WARS2: variants seen among roughly 807,000 people sequenced by gnomAD.
The protein encoded by WARS2 is tryptophan--tRNA ligase, mitochondrial.
WARS2 carries 28 observed loss-of-function variants against 36.5 expected under a neutral mutation model. The observed-to-expected ratio is 0.77, with a 90% confidence interval of 0.57 to 1.05. WARS2 has a LOEUF of 1.05. Ranked by LOEUF, WARS2 falls within the 50% of genes least tolerant of loss-of-function variation. The pLI, the probability that WARS2 is intolerant of heterozygous loss-of-function variation, is 0.00. For missense variants in WARS2, 435 were observed against 456.8 expected, an observed-to-expected ratio of 0.95 and a Z score of 0.44; for synonymous variants, 174 against 178.4, an observed-to-expected ratio of 0.98 and a Z score of 0.20.
At chr1:119,058,446 T>C in intron 2 of WARS2, among the ~76,000 whole-genome samples, 1 of 140,192 alleles carries the variant, frequency 7.1e-6, no homozygotes, top group East Asian at 2.0e-4. Flanking sequence ...CTCCCAATGC[T>C]ATCCCTCCCC....
chr1:119,082,369 T>C, intron 1 of WARS2: 7 of 985,442 alleles, frequency 7.1e-6, no homozygotes, highest in Non-Finnish European at 7.2e-6. Context: ...GGAATGCTTT[T>C]GCACATGTAT....
chr1:119,093,829 G>T (rs1653232383), intron 1 of WARS2, among the ~76,000 whole-genome samples: 1 of 152,170 alleles, frequency 6.6e-6, no homozygotes, highest in African/African-American at 2.4e-5. Flanking sequence ...GGTAAGTAAG[G>T]TCAGTTGTTC....
intron 4 of WARS2, among the ~76,000 whole-genome samples, chr1:119,037,787 C>T (rs752452063): frequency 1.3e-5 from 2 of 152,266 alleles, no homozygotes; most frequent in Non-Finnish European, 1.5e-5. Context: ...TCGGGTCATC[C>T]CTGACACCTC....
intron 2 of WARS2, among the ~76,000 whole-genome samples, chr1:119,059,549 T>C (rs557804129): frequency 6.6e-6 from 1 of 152,340 alleles, no homozygotes; most frequent in South Asian, 2.1e-4. Context: ...TAAGTCTATG[T>C]CCATACCACA....
At chr1:119,086,787 C>T (rs1225592245) in intron 1 of WARS2, among the ~76,000 whole-genome samples, 1 of 152,158 alleles carries the variant, frequency 6.6e-6, no homozygotes, top group Non-Finnish European at 1.5e-5. Context: ...TCCTCTGAGA[C>T]AAGACTCTGA....
chr1:119,068,813 CCTCTCTCTCTTA>C (rs1241989781), intron 2 of WARS2, among the ~76,000 whole-genome samples: 2 of 146,862 alleles, frequency 1.4e-5, no homozygotes, highest in East Asian at 4.0e-4. Context: ...ACGACGTGTC[CCTCTCTCTCTTA>C]CTCTCTCTCT....
At position 119,085,996 on chromosome 1, in the gene WARS2, G is replaced by C. The variant is rs1034662143; in HGVS notation, c.91-9389C>G. On this transcript the variant is annotated intron_variant, in intron 1 of 5. Coordinates refer to ENST00000235521, the MANE Select transcript of WARS2 (RefSeq NM_015836.4). ...TCAGCGTTCAGGTATCAGTGCCCAG[G>C]CAAGGCAGTGTGGCACATACCCTGG... is the stretch of plus-strand genomic sequence containing the variant. 1.0e-5 allele frequency: 16 copies of C among 1,597,964 alleles called. No individual in the cohort carries two copies. In the African/African-American group the frequency reaches 1.5e-4, roughly 15 times the overall value.
chr1:119,134,419 C>T (rs1656349043), intron 1 of WARS2, among the ~76,000 whole-genome samples: 1 of 149,058 alleles, frequency 6.7e-6, no homozygotes, highest in African/African-American at 2.5e-5. Flanking sequence ...AGAAATGGAG[C>T]AGTAGCTCTA....
At chr1:119,072,042 T>A (rs1258637051) in intron 2 of WARS2, among the ~76,000 whole-genome samples, 1 of 152,218 alleles carries the variant, frequency 6.6e-6, no homozygotes, top group Non-Finnish European at 1.5e-5. Flanking sequence ...CATGATGATC[T>A]TTCACCTACT....
intron 1 of WARS2, among the ~76,000 whole-genome samples, chr1:119,086,722 G>A (rs139460632): frequency 6.6e-6 from 1 of 152,262 alleles, no homozygotes; most frequent in African/African-American, 2.4e-5. Flanking sequence ...ACTAAAATAT[G>A]GGATAGAGGT....
chr1:119,034,355 A>T (rs1291560412), intron 4 of WARS2, 142 bp from the exon 5 acceptor site: 1 of 689,050 alleles, frequency 1.5e-6, no homozygotes, highest in African/African-American at 1.8e-5. Flanking sequence ...GAATGTTTAG[A>T]CCTAAGTCTT....
At chr1:119,075,973 A>C (rs587680805) in intron 2 of WARS2, among the ~76,000 whole-genome samples, 3 of 152,322 alleles carry the variant, frequency 2.0e-5, no homozygotes, top group Admixed American at 2.0e-4. Flanking sequence ...GAATTACATA[A>C]AACTATTGGT....
intron 1 of WARS2, among the ~76,000 whole-genome samples, chr1:119,107,601 T>C (rs902148502): frequency 3.3e-5 from 5 of 152,058 alleles, no homozygotes; most frequent in Admixed American, 2.0e-4. Flanking sequence ...TCCTTCTACC[T>C]GTTTCCTATA....
chr1:119,101,486 T>C (rs1653860060), intron 1 of WARS2, among the ~76,000 whole-genome samples: 1 of 152,204 alleles, frequency 6.6e-6, no homozygotes, highest in Non-Finnish European at 1.5e-5. Context: ...ATTTCATAAT[T>C]ACTTTTCTGT....
chr1:119,127,221 G>T, intron 1 of WARS2: 1 of 736,578 alleles, frequency 1.4e-6, no homozygotes, highest in South Asian at 1.4e-5. Context: ...CTTCGAAAAT[G>T]GATCGACCAC....
Position 119,031,387 on chromosome 1 carries a change from T to C in WARS2, c.*1524A>G, listed in dbSNP as rs1647414904. 1 of 152,202 alleles carries C rather than the reference T, an allele frequency of 6.6e-6. No homozygotes were observed. 9.4% of individuals were successfully genotyped at this position (152,202 alleles called of 1,614,324 possible). A position where few individuals can be genotyped will look rare whatever the true frequency, so the allele number is the denominator to read the frequency against. ...GATACAAAAGGCAAAATGTTTCCTT[T>C]ACCCATGATCCAGGCTAGCTCCAAG... On this transcript the variant is annotated 3_prime_UTR_variant, in exon 6 of 6. Coordinates refer to ENST00000235521, the MANE Select transcript of WARS2 (RefSeq NM_015836.4).
At chr1:119,086,622 C>T (rs1037485020) in intron 1 of WARS2, among the ~76,000 whole-genome samples, 3 of 152,068 alleles carry the variant, frequency 2.0e-5, no homozygotes, top group Non-Finnish European at 4.4e-5. Context: ...GTCTGAAAAC[C>T]GCTTTCAGAC....
intron 1 of WARS2, among the ~76,000 whole-genome samples, chr1:119,111,437 G>A (rs587653534): frequency 6.6e-6 from 1 of 152,272 alleles, no homozygotes; most frequent in Admixed American, 6.5e-5. Context: ...CTGAAGTTGG[G>A]AATCTGCCTT....
At chr1:119,065,533 G>T (rs1021044047) in intron 2 of WARS2, among the ~76,000 whole-genome samples, 1 of 151,198 alleles carries the variant, frequency 6.6e-6, no homozygotes, top group Non-Finnish European at 1.5e-5. Flanking sequence ...TATCTGGGAG[G>T]CTGAGGCATG....
Sources: gnomAD v4.1 joint callset for allele counts (sites outside exome capture counted in the v4.1 genomes callset) on GRCh38, gnomAD v4.1.1 for gene constraint, MANE v1.5 for transcripts, NCBI Gene and HGNC (gene_info 2026-07-23, HGNC 2026-07-21) for gene names.